NETO1: variants seen among roughly 807,000 people sequenced by gnomAD.
NETO1 encodes neuropilin and tolloid like 1.
Under a neutral mutation model 61.3 loss-of-function variants are expected in NETO1, and 26 were observed. That is an observed-to-expected ratio of 0.42 (90% CI 0.31 to 0.59). The LOEUF (loss-of-function observed/expected upper bound fraction) is 0.59. NETO1 is among the 20% of genes least tolerant of loss of function. The pLI is 0.12. For synonymous variants in NETO1, 225 were observed against 225.8 expected (o/e 1.00, Z 0.03); for missense variants, 531 against 662.8 (o/e 0.80, Z 2.18).
Position 72,867,594 on chromosome 18 carries a change from T to G in NETO1, c.-303A>C. 2 of 255,518 alleles carry G rather than the reference T, an allele frequency of 7.8e-6. No individual in the cohort carries two copies. Among genetic ancestry groups the G allele is most frequent in the Non-Finnish European group, 7.3e-6 (1 of 136,634 alleles). 15.8% of individuals were successfully genotyped at this position (255,518 alleles called of 1,614,324 possible). ...CACACCCGGGCGCCGGCCGCCACCATCCGCGCCGCCGCCGTCAGGACCCTC... is the reference window on the plus strand; with the variant it reads ...CACACCCGGGCGCCGGCCGCCACCAGCCGCGCCGCCGCCGTCAGGACCCTC... On this transcript the variant is annotated 5_prime_UTR_variant, in exon 1 of 11. An upstream start codon of the reference 5' UTR is lost. Coordinates refer to ENST00000327305, the MANE Select transcript of NETO1 (RefSeq NM_138966.5).
intron 4 of NETO1, among the ~76,000 whole-genome samples, chr18:72,808,074 T>C (rs770706489): frequency 6.6e-6 from 1 of 152,156 alleles, no homozygotes; most frequent in African/African-American, 2.4e-5. Flanking sequence ...AACGCCTCCA[T>C]TATTATCCTC....
intron 7 of NETO1, among the ~76,000 whole-genome samples, chr18:72,761,509 T>C (rs943177674): frequency 1.3e-5 from 2 of 152,158 alleles, no homozygotes; most frequent in African/African-American, 4.8e-5. Context: ...AGATAACAGG[T>C]ATTTTCTAAC....
intron 4 of NETO1, among the ~76,000 whole-genome samples, chr18:72,847,617 T>C (rs1408278694): frequency 6.6e-6 from 1 of 152,202 alleles, no homozygotes. Flanking sequence ...AAAAATGGCA[T>C]TCATATAAAA....
At chr18:72,751,128 T>G (rs1385006135) in intron 8 of NETO1, among the ~76,000 whole-genome samples, 1 of 151,062 alleles carries the variant, frequency 6.6e-6, no homozygotes, top group Non-Finnish European at 1.5e-5. Flanking sequence ...ATAATTCAAT[T>G]CAATCTGAAG....
chr18:72,781,491 T>C (rs2071738999), intron 7 of NETO1, among the ~76,000 whole-genome samples: 1 of 152,194 alleles, frequency 6.6e-6, no homozygotes. Context: ...AATCAACTAC[T>C]GAACCAAATA....
chr18:72,779,797 C>A (rs534614015), intron 7 of NETO1, among the ~76,000 whole-genome samples: 1 of 152,280 alleles, frequency 6.6e-6, no homozygotes, highest in African/African-American at 2.4e-5. Context: ...GTTACTACAG[C>A]AAACTACAAT....
At chr18:72,793,925 T>A (rs970790102) in intron 6 of NETO1, among the ~76,000 whole-genome samples, 192 bp downstream of exon 6, 1 of 152,188 alleles carries the variant, frequency 6.6e-6, no homozygotes, top group African/African-American at 2.4e-5. Context: ...ACTCTCTAGA[T>A]TGCTATTTAC....
At chr18:72,802,170 A>C (rs1256307647) in intron 4 of NETO1, among the ~76,000 whole-genome samples, 1 of 132,468 alleles carries the variant, frequency 7.5e-6, no homozygotes, top group Non-Finnish European at 1.7e-5. Flanking sequence ...AAAAAAAAAA[A>C]ACAGTATATT....
chr18:72,822,547 C>T lies in NETO1; in HGVS notation c.470-28143G>A, dbSNP rs151288114. 3.5e-3 allele frequency among the ~76,000 whole-genome samples: 533 copies of T among 152,288 alleles called. 1 individual carries two copies. Among genetic ancestry groups the T allele is most frequent in the African/African-American group, 9.6e-3 (397 of 41,562 alleles). ...AAAGCTTAAATCTGAGTTTGAAAAA[C>T]GAGAGAATTCGCTAGATAAGTTTAA... On this transcript the variant is annotated intron_variant, in intron 4 of 10. Coordinates refer to ENST00000327305, the MANE Select transcript of NETO1 (RefSeq NM_138966.5).
chr18:72,817,848 C>T (rs986320779), intron 4 of NETO1, among the ~76,000 whole-genome samples: 14 of 152,184 alleles, frequency 9.2e-5, no homozygotes, highest in African/African-American at 3.4e-4. Context: ...TGCTCATGCT[C>T]TAAAAGACAT....
At chr18:72,806,207 A>C (rs886761739) in intron 4 of NETO1, among the ~76,000 whole-genome samples, 3 of 152,198 alleles carry the variant, frequency 2.0e-5, no homozygotes, top group Non-Finnish European at 4.4e-5. Context: ...CCTACAGTTA[A>C]CATTCAATGA....
chr18:72,748,543 G>T (rs1599074876), intron 10 of NETO1, among the ~76,000 whole-genome samples: 2 of 152,122 alleles, frequency 1.3e-5, no homozygotes, highest in South Asian at 2.1e-4. Context: ...TCTATAAATT[G>T]TGTCAGTACC....
intron 6 of NETO1, among the ~76,000 whole-genome samples, 181 bp downstream of exon 6, chr18:72,793,933 TACG>T (rs1483165106): frequency 1.3e-5 from 2 of 152,214 alleles, no homozygotes; most frequent in African/African-American, 4.8e-5. Flanking sequence ...GATTGCTATT[TACG>T]ACATCAAATT....
At chr18:72,834,541 T>C in intron 4 of NETO1, 3 of 971,280 alleles carry the variant, frequency 3.1e-6, no homozygotes, top group South Asian at 4.8e-5. Context: ...ATATATAATA[T>C]AAAAGCAATG....
chr18:72,836,627 C>A (rs886921408), intron 4 of NETO1, among the ~76,000 whole-genome samples: 1 of 152,084 alleles, frequency 6.6e-6, no homozygotes, highest in Non-Finnish European at 1.5e-5. Context: ...AACCAAAGCA[C>A]AGAATATTTA....
chr18:72,779,035 G>A (rs111809406), intron 7 of NETO1, among the ~76,000 whole-genome samples: 21 of 152,180 alleles, frequency 1.4e-4, no homozygotes, highest in Middle Eastern at 3.4e-3. Context: ...AGGCACCAGC[G>A]CGCTCGAAGC....
chr18:72,843,374 C>T (rs12327299), intron 4 of NETO1, among the ~76,000 whole-genome samples: 1 of 152,064 alleles, frequency 6.6e-6, no homozygotes, highest in Admixed American at 6.6e-5. Context: ...TCTCTACCAC[C>T]CTCCTTTTTA....
Position 72,830,029 on chromosome 18 carries a change from A to G in NETO1, c.469+28797T>C, listed in dbSNP as rs900560098. On this transcript the variant is annotated intron_variant, in intron 4 of 10. Transcript: ENST00000327305. This position sits in a 1 kb window ranked among gnomAD's most constrained non-coding sequence, Gnocchi z 4.9. Reference sequence around the variant, plus strand: ...TCTTGGTTATACAAATAAAGGTTCAAGATAAAGGGATTTGGGGTGGATCAT... The same window carrying G: ...TCTTGGTTATACAAATAAAGGTTCAGGATAAAGGGATTTGGGGTGGATCAT... 1.3e-5 allele frequency among the ~76,000 whole-genome samples: 2 copies of G among 152,220 alleles called. No homozygotes were observed. Among genetic ancestry groups the G allele is most frequent in the East Asian group, 1.9e-4 (1 of 5,196 alleles).
At chr18:72,821,999 G>A (rs945799537) in intron 4 of NETO1, among the ~76,000 whole-genome samples, 2 of 152,158 alleles carry the variant, frequency 1.3e-5, no homozygotes, top group African/African-American at 4.8e-5. Flanking sequence ...GAGCAGAGAA[G>A]CTGACATGTT....
Sources: gnomAD v4.1 joint callset for allele counts (sites outside exome capture counted in the v4.1 genomes callset) on GRCh38, gnomAD v4.1.1 for gene constraint, Gnocchi (gnomAD v3.1) non-coding constraint, MANE v1.5 for transcripts, NCBI Gene and HGNC (gene_info 2026-07-23, HGNC 2026-07-21) for gene names.